PRR5L: variants seen among roughly 807,000 people sequenced by gnomAD.
The protein encoded by PRR5L is proline rich 5 like, also known as proline-rich protein 5-like.
Under a neutral mutation model 36.4 loss-of-function variants are expected in PRR5L, and 21 were observed. The observed-to-expected ratio is 0.58, with a 90% CI of 0.41 to 0.83. The LOEUF is 0.83. Ranked by LOEUF, PRR5L falls within the 40% of genes least tolerant of loss-of-function variation. The pLI is 0.00. For missense variants in PRR5L, 381 were observed against 473.3 expected, an observed-to-expected ratio of 0.80 and a Z score of 1.81; for synonymous variants, 188 against 197.0, an observed-to-expected ratio of 0.95 and a Z score of 0.38.
rs375141919 is a variant in PRR5L at position 36,462,569 on chromosome 11, G to T, written c.940G>T (p.Glu314Ter). The part of the protein sequence containing the change: ...MATMMHSGLG[E>*]EASSENKCLL... ...CACCATGATGCACTCGGGCCTGGGG[G>T]AGGAGGCCAGCAGTGAGAACAAGTG... The change falls in exon 9 of 9, where the codon GAG (glutamate) becomes TAG (stop). Residue 314 changes from glutamate (E) to a stop codon, truncating the protein, a stop_gained. Transcript: ENST00000530639. LOFTEE classifies it high-confidence loss of function. 5.2e-5 allele frequency: 84 copies of T among 1,612,900 alleles called. No individual in the cohort carries two copies. Among genetic ancestry groups the T allele is most frequent in the Non-Finnish European group, 7.0e-5 (82 of 1,179,772 alleles).
intron 1 of PRR5L, chr11:36,376,482 G>C (rs1441607668): frequency 1.8e-6 from 2 of 1,097,454 alleles, no homozygotes; most frequent in African/African-American, 1.7e-5. Context: ...GAGGCTGGAC[G>C]GGACCCCATC....
At chr11:36,374,113 T>C (rs1857228701) in intron 1 of PRR5L, among the ~76,000 whole-genome samples, 1 of 141,452 alleles carries the variant, frequency 7.1e-6, no homozygotes, top group Admixed American at 7.1e-5. Flanking sequence ...TTCCTCTCTC[T>C]CTCTCTCTCT....
intron 3 of PRR5L, among the ~76,000 whole-genome samples, chr11:36,412,197 C>T (rs1858041802): frequency 6.6e-6 from 1 of 152,090 alleles, no homozygotes; most frequent in Non-Finnish European, 1.5e-5. Context: ...CAACAAGACA[C>T]TTGTTATCTC....
chr11:36,359,500 T>G (rs1857062810), intron 1 of PRR5L, among the ~76,000 whole-genome samples: 1 of 152,264 alleles, frequency 6.6e-6, no homozygotes, highest in Admixed American at 6.5e-5. Context: ...TTCTGGTGTT[T>G]TGTTCTTTAG....
chr11:36,312,601 C>G (rs1856514806), intron 1 of PRR5L, among the ~76,000 whole-genome samples: 1 of 152,182 alleles, frequency 6.6e-6, no homozygotes, highest in Non-Finnish European at 1.5e-5. Flanking sequence ...CAGAATAAAC[C>G]AATGTTCAAG....
At chr11:36,376,850 G>A in intron 1 of PRR5L, 2 of 507,748 alleles carry the variant, frequency 3.9e-6, no homozygotes, top group Non-Finnish European at 5.1e-6. Flanking sequence ...TCACGTTTGG[G>A]GGGGCAACCA....
At chr11:36,322,989 G>T (rs1052188838) in intron 1 of PRR5L, among the ~76,000 whole-genome samples, 1 of 152,140 alleles carries the variant, frequency 6.6e-6, no homozygotes, top group African/African-American at 2.4e-5. Flanking sequence ...TAAGAGAAAG[G>T]CATGAACTAG....
At chr11:36,404,852 C>A (rs1478916705) in intron 3 of PRR5L, among the ~76,000 whole-genome samples, 1 of 152,160 alleles carries the variant, frequency 6.6e-6, no homozygotes, top group Admixed American at 6.5e-5. Context: ...AGCCCAAGGC[C>A]TCATTTTACA....
At chr11:36,388,335 G>A (rs539114360) in intron 1 of PRR5L, 172 of 152,302 alleles carry the variant, frequency 1.1e-3, no homozygotes, top group African/African-American at 3.8e-3. Flanking sequence ...ACAGCTGGGT[G>A]ACTTTGAAGA....
chr11:36,428,174 G>A (rs1234557447), intron 4 of PRR5L, among the ~76,000 whole-genome samples: 1 of 152,198 alleles, frequency 6.6e-6, no homozygotes, highest in Non-Finnish European at 1.5e-5. Flanking sequence ...CATTGGTGGT[G>A]GAGCCCAGGC....
intron 1 of PRR5L, among the ~76,000 whole-genome samples, chr11:36,342,848 A>G (rs958690999): frequency 2.6e-5 from 4 of 152,180 alleles, no homozygotes; most frequent in African/African-American, 9.7e-5. Flanking sequence ...ACTTTGGCAC[A>G]TTGTTTTTTT....
At chr11:36,423,961 C>T (rs556685187) in intron 4 of PRR5L, among the ~76,000 whole-genome samples, 9 of 152,282 alleles carry the variant, frequency 5.9e-5, no homozygotes, top group South Asian at 2.1e-4. Flanking sequence ...CTGTGGGGCT[C>T]GCTGCCTGTC....
chr11:36,461,017 T>A (rs114322644), intron 8 of PRR5L, among the ~76,000 whole-genome samples: 1 of 152,242 alleles, frequency 6.6e-6, no homozygotes, highest in Admixed American at 6.5e-5. Context: ...ATGCTTTTTC[T>A]GGCCCTTGAA....
chr11:36,426,763 C>T (rs1183573228), intron 4 of PRR5L, among the ~76,000 whole-genome samples: 1 of 152,242 alleles, frequency 6.6e-6, no homozygotes, highest in Non-Finnish European at 1.5e-5. Context: ...ACTGACTCCA[C>T]TGACATTCTT....
In PRR5L at chr11:36,401,429, T is replaced by C. The variant is rs186085250; in HGVS notation, c.164+144T>C. 266 of 765,954 alleles carry C rather than the reference T, an allele frequency of 3.5e-4. 1 individual carries two copies. In the East Asian group the frequency reaches 6.8e-3, roughly 20 times the overall value. The allele number at this position is 765,954 out of a possible 1,614,324, so 47.4% of individuals were successfully genotyped here. A position where few individuals can be genotyped will look rare whatever the true frequency, so the allele number is the denominator to read the frequency against. On this transcript the variant is annotated intron_variant, in intron 2 of 8. Coordinates refer to ENST00000530639, the MANE Select transcript of PRR5L (RefSeq NM_001160167.2). ...ATAATGACGAGAGCAAATTTTCTTTTTTTCCTTTTTTAAGAGACAGGGTCT... is the reference window on the plus strand; with the variant it reads ...ATAATGACGAGAGCAAATTTTCTTTCTTTCCTTTTTTAAGAGACAGGGTCT...
chr11:36,377,968 C>T lies in PRR5L; in HGVS notation c.-125-23029C>T, dbSNP rs377691555. Among the ~76,000 whole-genome samples, 4 of 152,118 alleles carry T rather than the reference C, an allele frequency of 2.6e-5. No individual in the cohort carries two copies. The highest frequency in any genetic ancestry group is 9.7e-5 in the African/African-American group (4 of 41,420). On this transcript the variant is annotated intron_variant, in intron 1 of 8. Transcript: ENST00000530639. This position sits in a 1 kb window ranked among gnomAD's most constrained non-coding sequence, Gnocchi z 5.1. ...ATGCTAAGGACCAAAGGGATGCCAC[C>T]GGCCCAATGTACTGCCTTCATCCCC...
Position 36,419,215 on chromosome 11 carries a change from A to G in PRR5L, c.246-40A>G, listed in dbSNP as rs376235355. 1,137 of 1,603,242 alleles carry G rather than the reference A, an allele frequency of 7.1e-4. 15 individuals are homozygous for G. In the South Asian group the frequency reaches 0.012, roughly 17 times the overall value. On this transcript the variant is annotated intron_variant, in intron 3 of 8. Coordinates refer to ENST00000530639, the MANE Select transcript of PRR5L (RefSeq NM_001160167.2). ...ATTGTCACCATGAGCTGTACCATCAAGGGCTGCTTGACGGTGTTTCTCTTC... is the reference window on the plus strand; with the variant it reads ...ATTGTCACCATGAGCTGTACCATCAGGGGCTGCTTGACGGTGTTTCTCTTC...
intron 1 of PRR5L, among the ~76,000 whole-genome samples, chr11:36,381,022 T>C (rs1857358203): frequency 6.6e-6 from 1 of 152,234 alleles, no homozygotes; most frequent in Admixed American, 6.5e-5. Flanking sequence ...TTATTTAGCA[T>C]AGAATTATAT....
At chr11:36,405,530 A>C (rs1857891492) in intron 3 of PRR5L, among the ~76,000 whole-genome samples, 1 of 152,206 alleles carries the variant, frequency 6.6e-6, no homozygotes, top group South Asian at 2.1e-4. Flanking sequence ...CCATCAACAC[A>C]TTCAACCCTC....
Sources: allele counts gnomAD v4.1 joint callset (sites outside exome capture counted in the v4.1 genomes callset), GRCh38; gene constraint gnomAD v4.1.1; non-coding constraint Gnocchi (gnomAD v3.1); transcripts MANE v1.5; gene names NCBI Gene and HGNC (gene_info 2026-07-23, HGNC 2026-07-21).